FBXW9: variants seen among roughly 807,000 people sequenced by gnomAD.
FBXW9 encodes the protein F-box and WD repeat domain containing 9.
A neutral mutation model predicts 55.8 loss-of-function variants in FBXW9; 38 were observed. That is an observed-to-expected ratio of 0.68 (90% CI 0.53 to 0.89). The LOEUF (loss-of-function observed/expected upper bound fraction) is 0.89, where lower values mean the gene tolerates loss of function less well. FBXW9 is among the 40% of genes least tolerant of loss of function. The probability of loss-of-function intolerance (pLI) is 0.00; values close to 1 mark genes in which losing one functional copy is unlikely to be tolerated. For synonymous variants in FBXW9, 289 were observed against 278.2 expected (o/e 1.04, Z -0.38); for missense variants, 590 against 619.4 (o/e 0.95, Z 0.50).
Position 12,696,498 on chromosome 19 carries a change from C to T in FBXW9, c.84G>A (p.Ala28=), listed in dbSNP as rs1219920254. Residue 28 remains alanine, a synonymous_variant, in exon 1 of 10, where the codon GCG becomes GCA. Coordinates refer to ENST00000393261, the MANE Select transcript of FBXW9 (RefSeq NM_032301.3). ...SDPESETDPD[A]QAKAYVARVL... ...CGCGGGCCACGTAGGCCTTGGCCTG[C>T]GCGTCTGGGTCTGTCTCTGACTCTG... 3.7e-6 allele frequency: 6 copies of T among 1,612,658 alleles called. No individual in the cohort carries two copies. In the South Asian group the frequency reaches 6.6e-5, roughly 18 times the overall value.
chr19:12,693,729 T>A (rs1287610614), intron 3 of FBXW9, among the ~76,000 whole-genome samples: 30 of 134,960 alleles, frequency 2.2e-4, no homozygotes, highest in African/African-American at 7.3e-4. Context: ...GAGATTCCAT[T>A]AAAAAAAAAA....
At chr19:12,693,561 TACACACACACACACACACACAC>T (rs1169069518) in intron 3 of FBXW9, among the ~76,000 whole-genome samples, 1 of 10,262 alleles carries the variant, frequency 9.7e-5, no homozygotes, top group African/African-American at 4.6e-4. Flanking sequence ...TATATATATA[TACACACACACACACACACACAC>T]ACACACACAC....
Position 12,696,553 on chromosome 19 carries a change from T to G in FBXW9, c.29A>C (p.Asp10Ala). 6.2e-7 allele frequency: 1 copy of G among 1,611,764 alleles called. No individual in the cohort carries two copies. Among genetic ancestry groups the G allele is most frequent in the East Asian group, 2.2e-5 (1 of 44,846 alleles). The change falls in exon 1 of 10, where the codon GAT (aspartate) becomes GCT (alanine). Residue 10 changes from aspartate to alanine, a missense_variant. Physicochemically the swap from Asp to Ala is moderately radical, Grantham distance 126. Transcript: ENST00000393261. The stretch of plus-strand genomic sequence containing the variant: ...CGAGTCATCGTCCCAGGTGCGGGAA[T>G]CATCGCACCGCCCTAGGGGAAGCTC... MELPLGRCD[D>A]SRTWDDDSDP...
intron 1 of FBXW9, 94 bp downstream of exon 1, chr19:12,696,079 G>A (rs1303227562): frequency 3.2e-5 from 40 of 1,230,790 alleles, no homozygotes; most frequent in Non-Finnish European, 3.9e-5. Flanking sequence ...ACCAGAGGCT[G>A]CATCCGGAAC....
In FBXW9 at chr19:12,690,868, T is replaced by C. The variant is rs77256012; in HGVS notation, c.883+298A>G. ...TTATCATCTTCCCCCATTAACCCCA[T>C]GGGGCTGCTGTGGTATTATTATCTG... On this transcript the variant is annotated intron_variant, in intron 5 of 9. Transcript: ENST00000393261. 9.7e-3 allele frequency among the ~76,000 whole-genome samples: 1,481 copies of C among 152,192 alleles called. 24 individuals carry two copies. Among genetic ancestry groups the C allele is most frequent in the African/African-American group, 0.034 (1,407 of 41,522 alleles).
At position 12,690,002 on chromosome 19, in the gene FBXW9, A is replaced by G. The variant is rs899397460; in HGVS notation, c.992T>C (p.Val331Ala). The change falls in exon 6 of 10, where the codon GTG becomes GCG. Residue 331 changes from valine to alanine, a missense_variant. Coordinates refer to ENST00000393261, the MANE Select transcript of FBXW9 (RefSeq NM_032301.3). ...GACGCTGTTGGCTCGGCGGTCCACC[A>G]CCACCAGGGTGTGGTCCTCGCTGCC... is the stretch of plus-strand genomic sequence containing the variant. Reference protein sequence around the residue: ...ISGSEDHTLVVVDRRANSVLQ... With the variant: ...ISGSEDHTLVAVDRRANSVLQ... The G allele has an allele frequency of 6.8e-6, 11 of 1,613,994 alleles. No homozygotes were observed. The highest frequency in any genetic ancestry group is 9.3e-6 in the Non-Finnish European group (11 of 1,180,014).
intron 3 of FBXW9, 126 bp downstream of exon 3, chr19:12,694,464 TCTCA>T: frequency 2.1e-6 from 2 of 943,172 alleles, no homozygotes; most frequent in Admixed American, 6.0e-5. Flanking sequence ...AAGTCACACA[TCTCA>T]CTCAAAGTCA....
In FBXW9 at chr19:12,694,617, T is replaced by C. The variant is rs10424623; in HGVS notation, c.655A>G (p.Thr219Ala). The change falls in exon 3 of 10, where the codon ACT (threonine) becomes GCT (alanine). Residue 219 changes from threonine (T) to alanine (A), a missense_variant. By Grantham distance (58) the Thr-to-Ala change is moderately conservative. Transcript: ENST00000393261. ...ACCTCATGGGTACTATTTCGCTTAG[T>C]GCCTAAGGTCTTGATCAGAACCTGG... Reference protein sequence around the residue: ...SNQVLIKTLGTKRNSTHEGWV... With the variant: ...SNQVLIKTLGAKRNSTHEGWV... The C allele has an allele frequency of 0.036, 57,868 of 1,614,050 alleles. 8,643 individuals carry two copies. In the African/African-American group the frequency reaches 0.46, roughly 13 times the overall value.
chr19:12,689,409 G>A lies in FBXW9; in HGVS notation c.1265C>T (p.Thr422Ile). The part of the protein sequence containing the change: ...RVHVPTDPPR[T>I]ICTRRHDNGL... ...ATTGTCATGCCTTCGGGTGCAAATG[G>A]TCCTTGGTGGGTCTGTGGGCACGTG... is the stretch of plus-strand genomic sequence containing the variant. The change falls in exon 9 of 10, where the codon ACC becomes ATC. Residue 422 changes from threonine to isoleucine, a missense_variant. By Grantham distance (89) the Thr-to-Ile change is moderately conservative (BLOSUM62 -1). Coordinates refer to ENST00000393261, the MANE Select transcript of FBXW9 (RefSeq NM_032301.3). The surrounding 1 kb of genome is among the most constrained non-coding windows in gnomAD (Gnocchi z 5.9). 4 of 1,614,174 alleles carry A rather than the reference G, an allele frequency of 2.5e-6. No individual in the cohort carries two copies. The highest frequency in any genetic ancestry group is 3.4e-6 in the Non-Finnish European group (4 of 1,180,042).
At chr19:12,694,097 C>T (rs1377297278) in intron 3 of FBXW9, among the ~76,000 whole-genome samples, 1 of 150,748 alleles carries the variant, frequency 6.6e-6, no homozygotes, top group Non-Finnish European at 1.5e-5. Context: ...ATTGCTTAAA[C>T]CTGGGAGGCA....
At chr19:12,696,097 G>C (rs1165802455) in intron 1 of FBXW9, 76 bp downstream of exon 1, 1 of 1,380,806 alleles carries the variant, frequency 7.2e-7, no homozygotes, top group African/African-American at 1.5e-5. Flanking sequence ...AACACCCCAT[G>C]TACCTCTTCC....
intron 1 of FBXW9, 143 bp downstream of exon 1, chr19:12,696,030 T>C (rs955161163): frequency 3.3e-6 from 3 of 896,162 alleles, no homozygotes; most frequent in Non-Finnish European, 4.8e-6. Flanking sequence ...AGTAACTACC[T>C]TAGCCTCCAG....
rs540133877 is a variant in FBXW9, at chr19:12,691,418, C to T, written c.715G>A (p.Val239Met). Residue 239 changes from valine to methionine, a missense_variant, in exon 4 of 10, where the codon GTG (valine) becomes ATG (methionine). Coordinates refer to ENST00000393261, the MANE Select transcript of FBXW9 (RefSeq NM_032301.3). Reference sequence around the variant, plus strand: ...GTGCTGTCCCAGGAGCCGGAGCACACGCGGTGGTCCTGCGCTGCCAGTGAC... The same window carrying T: ...GTGCTGTCCCAGGAGCCGGAGCACATGCGGTGGTCCTGCGCTGCCAGTGAC... ...VWSLAAQDHR[V>M]CSGSWDSTVK... is the part of the protein sequence containing the mutation. 19 of 1,601,424 alleles carry T rather than the reference C, an allele frequency of 1.2e-5. No homozygotes were observed. The highest frequency in any genetic ancestry group is 6.7e-5 in the African/African-American group (5 of 74,604).
chr19:12,693,559 T>TACAC (rs1452864814), intron 3 of FBXW9, among the ~76,000 whole-genome samples: 8 of 10,988 alleles, frequency 7.3e-4, no homozygotes, highest in Admixed American at 1.9e-3. Flanking sequence ...TATATATATA[T>TACAC]ATACACACAC....
Position 12,691,261 on chromosome 19 carries a change from G to A in FBXW9, c.792-4C>T. Reference sequence around the variant, plus strand: ...GCACAGCACGGCTGAGCTGGCCCTAGGGACACACAGACCACAGGGCTTTGG... The same window carrying A: ...GCACAGCACGGCTGAGCTGGCCCTAAGGACACACAGACCACAGGGCTTTGG... On this transcript the variant is annotated splice_polypyrimidine_tract_variant and splice_region_variant and intron_variant, in intron 4 of 9. Transcript: ENST00000393261. The A allele has an allele frequency of 6.2e-7, 1 of 1,614,106 alleles. No homozygotes were observed. Among genetic ancestry groups the A allele is most frequent in the Non-Finnish European group, 8.5e-7 (1 of 1,179,958 alleles).
intron 3 of FBXW9, among the ~76,000 whole-genome samples, chr19:12,691,760 CT>C (rs919563211): frequency 2.6e-4 from 38 of 147,722 alleles, no homozygotes; most frequent in South Asian, 4.3e-4. Context: ...CACCCAGAAA[CT>C]TTTTTTTTTT....
chr19:12,689,914 T>C lies in FBXW9; in HGVS notation c.1033-40A>G. On this transcript the variant is annotated intron_variant, in intron 6 of 9. Coordinates refer to ENST00000393261, the MANE Select transcript of FBXW9 (RefSeq NM_032301.3). The surrounding 1 kb of genome is among the most constrained non-coding windows in gnomAD (Gnocchi z 5.9). ...AGGGACGGGACAGCTCAGGCCGGGC[T>C]GGGCCTGCAACAGTCCCCATCCCTC... The C allele has an allele frequency of 6.2e-7, 1 of 1,611,596 alleles. No individual in the cohort carries two copies. Among genetic ancestry groups the C allele is most frequent in the Non-Finnish European group, 8.5e-7 (1 of 1,177,884 alleles).
At position 12,689,724 on chromosome 19, in the gene FBXW9, G is replaced by A; in HGVS notation, c.1146+37C>T. ...GGGGCTCGGGTAGGAAGGAAGCCCG[G>A]GGGGAGGGACAGTCAGGGGCAGGAG... On this transcript the variant is annotated intron_variant, in intron 7 of 9. Transcript: ENST00000393261. This position sits in a 1 kb window ranked among gnomAD's most constrained non-coding sequence, Gnocchi z 5.9. 6.2e-7 allele frequency: 1 copy of A among 1,610,518 alleles called. No homozygotes were observed. The highest frequency in any genetic ancestry group is 8.5e-7 in the Non-Finnish European group (1 of 1,176,924).
chr19:12,690,425 C>A (rs1568325133), intron 5 of FBXW9, among the ~76,000 whole-genome samples: 1 of 152,270 alleles, frequency 6.6e-6, no homozygotes, highest in East Asian at 1.9e-4. Flanking sequence ...ACATGCCTAT[C>A]CCGCAGCCCC....
Sources: allele counts gnomAD v4.1 joint callset (sites outside exome capture counted in the v4.1 genomes callset), GRCh38; gene constraint gnomAD v4.1.1; non-coding constraint Gnocchi (gnomAD v3.1); transcripts MANE v1.5; gene names NCBI Gene and HGNC (gene_info 2026-07-23, HGNC 2026-07-21).